SDK1: variants seen among roughly 807,000 people sequenced by gnomAD.
The protein encoded by SDK1 is protein sidekick-1.
In SDK1, 157 loss-of-function variants were observed where a neutral mutation model predicts 245.5. The ratio of observed to expected loss-of-function variants is 0.64; its 90% confidence interval spans 0.56 to 0.73. The LOEUF (loss-of-function observed/expected upper bound fraction) is 0.73, where lower values mean the gene tolerates loss of function less well. SDK1 is among the 30% of genes least tolerant of loss of function. SDK1 has a pLI of 0.00. For missense variants in SDK1, 3,583 were observed against 3,002.3 expected, an observed-to-expected ratio of 1.19 and a Z score of -4.52; for synonymous variants, 1,647 against 1,278.5, an observed-to-expected ratio of 1.29 and a Z score of -6.15.
In SDK1 at chr7:4,049,552, C is replaced by G. The variant is rs535120466; in HGVS notation, c.2718+89C>G. 6 of 969,288 alleles carry G rather than the reference C, an allele frequency of 6.2e-6. No individual in the cohort carries two copies. In the African/African-American group the frequency reaches 9.6e-5, roughly 15 times the overall value. 60.0% of individuals were successfully genotyped at this position (969,288 alleles called of 1,614,324 possible). Reference sequence around the variant, plus strand: ...GCTGGAGGCACCCCCTCTTGTGTATCAAGAGCTGGTTGCATTAAGATACAG... The same window carrying G: ...GCTGGAGGCACCCCCTCTTGTGTATGAAGAGCTGGTTGCATTAAGATACAG... On this transcript the variant is annotated intron_variant, in intron 18 of 44. Coordinates refer to ENST00000404826, the MANE Select transcript of SDK1 (RefSeq NM_152744.4).
At chr7:3,423,009 A>G (rs574099785) in intron 1 of SDK1, among the ~76,000 whole-genome samples, 2 of 152,326 alleles carry the variant, frequency 1.3e-5, no homozygotes, top group East Asian at 1.9e-4. Flanking sequence ...AGCATTATAG[A>G]TATGTTAGTT....
At chr7:3,818,470 G>A (rs1779563388) in intron 4 of SDK1, among the ~76,000 whole-genome samples, 1 of 152,222 alleles carries the variant, frequency 6.6e-6, no homozygotes, top group Non-Finnish European at 1.5e-5. Context: ...GAAATGGCCT[G>A]TAATTGTACC....
chr7:3,466,665 AAAT>A (rs1274033215), intron 1 of SDK1, among the ~76,000 whole-genome samples: 7 of 151,298 alleles, frequency 4.6e-5, no homozygotes, highest in Admixed American at 4.6e-4. Flanking sequence ...TTATCACTTA[AAAT>A]AATAACTGGC....
chr7:3,567,099 A>T (rs944394945), intron 1 of SDK1, among the ~76,000 whole-genome samples: 2 of 152,198 alleles, frequency 1.3e-5, no homozygotes, highest in African/African-American at 4.8e-5. Flanking sequence ...GATATGCCTG[A>T]GGTATAGCAT....
intron 1 of SDK1, among the ~76,000 whole-genome samples, chr7:3,500,159 G>A (rs924889313): frequency 6.6e-6 from 1 of 152,160 alleles, no homozygotes; most frequent in African/African-American, 2.4e-5. Flanking sequence ...TTGCCGAAAT[G>A]TGGGCCTATT....
intron 1 of SDK1, among the ~76,000 whole-genome samples, chr7:3,482,807 A>C (rs978655972): frequency 3.3e-5 from 5 of 152,218 alleles, no homozygotes; most frequent in Admixed American, 6.5e-5. Context: ...AAAACAGGTA[A>C]AGGATTCTCA....
chr7:3,676,277 C>T (rs942729034), intron 4 of SDK1, among the ~76,000 whole-genome samples: 2 of 151,298 alleles, frequency 1.3e-5, no homozygotes, highest in African/African-American at 2.4e-5. Flanking sequence ...CCTTGTCCTC[C>T]GAAAGTGCTG....
intron 44 of SDK1, among the ~76,000 whole-genome samples, chr7:4,248,894 C>T (rs1188080827): frequency 1.4e-5 from 2 of 144,354 alleles, no homozygotes; most frequent in African/African-American, 5.9e-5. Flanking sequence ...CAAGTACAAG[C>T]ACACATGCAT....
rs746967075 is a variant in SDK1 at position 4,029,228 on chromosome 7, T to TTTTTTTTTTTTTTTG, written c.2602+11877_2602+11878insTTTTTTTTTTTTTGT. Among the ~76,000 whole-genome samples, 4 of 112,088 alleles carry TTTTTTTTTTTTTTTG rather than the reference T, an allele frequency of 3.6e-5. 1 individual carries two copies. The highest frequency in any genetic ancestry group is 2.0e-4 in the African/African-American group (4 of 20,080). 73.5% of individuals were successfully genotyped at this position (112,088 alleles called of 152,430 possible). A position where few individuals can be genotyped will look rare whatever the true frequency, so the allele number is the denominator to read the frequency against. The stretch of plus-strand genomic sequence containing the variant: ...TTTTATTCTTTCTTTTTTTTTTTTT[T>TTTTTTTTTTTTTTTG]TGTGAAGAAGTCTCACTCTGTCATC... On this transcript the variant is annotated intron_variant, in intron 17 of 44. Transcript: ENST00000404826.
intron 1 of SDK1, among the ~76,000 whole-genome samples, chr7:3,375,748 C>T (rs1057160206): frequency 2.0e-5 from 3 of 152,142 alleles, no homozygotes; most frequent in African/African-American, 7.2e-5. Context: ...AGTGGATCCT[C>T]CAGCCCCAGG....
At chr7:3,939,673 A>C (rs1279020025) in intron 5 of SDK1, among the ~76,000 whole-genome samples, 1 of 152,168 alleles carries the variant, frequency 6.6e-6, no homozygotes, top group Non-Finnish European at 1.5e-5. Context: ...AGATATATAC[A>C]TATATATGTG....
At chr7:3,478,532 T>A (rs1781414200) in intron 1 of SDK1, among the ~76,000 whole-genome samples, 1 of 152,092 alleles carries the variant, frequency 6.6e-6, no homozygotes, top group South Asian at 2.1e-4. Context: ...TTTTTAAAGT[T>A]GCATATTCAG....
At chr7:3,751,700 C>T (rs1327697175) in intron 4 of SDK1, among the ~76,000 whole-genome samples, 2 of 152,188 alleles carry the variant, frequency 1.3e-5, no homozygotes, top group African/African-American at 2.4e-5. Context: ...TGATCCAGCA[C>T]AGCTGACAGA....
chr7:3,485,849 C>T (rs966655794), intron 1 of SDK1, among the ~76,000 whole-genome samples: 1 of 151,500 alleles, frequency 6.6e-6, no homozygotes, highest in African/African-American at 2.4e-5. Context: ...TCTAAAACAT[C>T]TTAGGTTTTT....
intron 1 of SDK1, among the ~76,000 whole-genome samples, chr7:3,476,701 A>C (rs1453552487): frequency 6.6e-6 from 1 of 152,014 alleles, no homozygotes; most frequent in Non-Finnish European, 1.5e-5. Flanking sequence ...AACTTTTCCA[A>C]CCTCGAATTT....
chr7:3,883,599 C>T (rs1025361833), intron 5 of SDK1, among the ~76,000 whole-genome samples: 7 of 152,184 alleles, frequency 4.6e-5, no homozygotes, highest in African/African-American at 1.7e-4. Flanking sequence ...GACCCCAGAT[C>T]GTGCAGGCCT....
intron 1 of SDK1, chr7:3,302,506 C>G (rs1377419887): frequency 6.6e-6 from 1 of 152,106 alleles, no homozygotes; most frequent in Non-Finnish European, 1.5e-5. Flanking sequence ...CAGTGGTGAG[C>G]TCTGAAATAG....
intron 4 of SDK1, among the ~76,000 whole-genome samples, chr7:3,644,962 C>A (rs950237615): frequency 1.3e-5 from 2 of 150,138 alleles, no homozygotes; most frequent in East Asian, 3.9e-4. Context: ...TTAGGCTTTC[C>A]TCTCAAGCAC....
chr7:3,476,072 T>TAA (rs1273588834), intron 1 of SDK1: 1 of 152,544 alleles, frequency 6.6e-6, no homozygotes, highest in Non-Finnish European at 1.5e-5. Flanking sequence ...AAACTCAATT[T>TAA]AAAACCTATT....
Sources: gnomAD v4.1 joint callset for allele counts (sites outside exome capture counted in the v4.1 genomes callset) on GRCh38, gnomAD v4.1.1 for gene constraint, MANE v1.5 for transcripts, NCBI Gene and HGNC (gene_info 2026-07-23, HGNC 2026-07-21) for gene names.